GPR176: variants seen among roughly 807,000 people sequenced by gnomAD.
The protein encoded by GPR176 is G protein-coupled receptor 176.
Under a neutral mutation model 35.4 loss-of-function variants are expected in GPR176, and 26 were observed. That is an observed-to-expected ratio of 0.74 (90% CI 0.54 to 1.02). The LOEUF is 1.02. Ranked by LOEUF, GPR176 falls within the 50% of genes least tolerant of loss-of-function variation. GPR176 has a pLI of 0.00. For missense variants in GPR176, 597 were observed against 665.3 expected (o/e 0.90, Z 1.13); for synonymous variants, 278 against 271.3 (o/e 1.02, Z -0.24).
chr15:39,849,833 T>C (rs982085644), intron 1 of GPR176, among the ~76,000 whole-genome samples: 7 of 152,106 alleles, frequency 4.6e-5, no homozygotes, highest in Admixed American at 3.9e-4. Context: ...GAGAAAGGTG[T>C]CAATAGGTAA....
At chr15:39,874,018 A>G (rs1037845246) in intron 1 of GPR176, among the ~76,000 whole-genome samples, 2 of 152,340 alleles carry the variant, frequency 1.3e-5, no homozygotes, top group South Asian at 4.1e-4. Flanking sequence ...ACCTAATGAC[A>G]TGAAGAACTC....
At chr15:39,827,169 A>G (rs1395284633) in intron 1 of GPR176, among the ~76,000 whole-genome samples, 2 of 152,218 alleles carry the variant, frequency 1.3e-5, no homozygotes, top group African/African-American at 4.8e-5. Flanking sequence ...CTATAGGAGG[A>G]GCATGAATAT....
intron 1 of GPR176, among the ~76,000 whole-genome samples, chr15:39,813,004 G>A (rs2082939): frequency 0.073 from 11,093 of 152,148 alleles, 571 homozygotes; most frequent in East Asian, 0.13. Flanking sequence ...CAAAATGCTT[G>A]AATTACAGGC....
At chr15:39,811,656 C>T (rs532746222) in intron 1 of GPR176, among the ~76,000 whole-genome samples, 7 of 152,306 alleles carry the variant, frequency 4.6e-5, no homozygotes, top group Admixed American at 3.3e-4. Flanking sequence ...GTGGCTCACA[C>T]CTGTAATCCC....
chr15:39,866,906 T>C (rs1314945564), intron 1 of GPR176, among the ~76,000 whole-genome samples: 1 of 151,746 alleles, frequency 6.6e-6, no homozygotes, highest in Non-Finnish European at 1.5e-5. Context: ...GTGGAGTGAG[T>C]AGTGGTGCCC....
intron 1 of GPR176, among the ~76,000 whole-genome samples, chr15:39,831,678 ACT>A (rs1346947605): frequency 4.0e-5 from 6 of 151,744 alleles, no homozygotes; most frequent in Non-Finnish European, 7.4e-5. Context: ...CAATCTGTAA[ACT>A]CTTCTCTGCC....
At chr15:39,816,398 T>C (rs571492432) in intron 1 of GPR176, among the ~76,000 whole-genome samples, 198 of 152,284 alleles carry the variant, frequency 1.3e-3, no homozygotes, top group Non-Finnish European at 2.2e-3. Flanking sequence ...TATACCATTT[T>C]TGTCAATGAA....
intron 1 of GPR176, among the ~76,000 whole-genome samples, chr15:39,865,520 C>T (rs975639509): frequency 1.3e-5 from 2 of 151,974 alleles, no homozygotes; most frequent in Non-Finnish European, 2.9e-5. Context: ...GGAGGTAGAG[C>T]ATGGAATGAC....
At chr15:39,857,659 G>A (rs1014182489) in intron 1 of GPR176, among the ~76,000 whole-genome samples, 4 of 151,186 alleles carry the variant, frequency 2.6e-5, no homozygotes, top group East Asian at 1.9e-4. Flanking sequence ...GACAAGGCAA[G>A]ACATTGTCTC....
At chr15:39,880,825 C>T (rs1254183206) in intron 1 of GPR176, among the ~76,000 whole-genome samples, 1 of 152,184 alleles carries the variant, frequency 6.6e-6, no homozygotes, top group Non-Finnish European at 1.5e-5. Flanking sequence ...TGTTGCCATG[C>T]CCTTGCCTAA....
At chr15:39,854,095 T>C (rs1442630452) in intron 1 of GPR176, among the ~76,000 whole-genome samples, 1 of 151,166 alleles carries the variant, frequency 6.6e-6, no homozygotes, top group Non-Finnish European at 1.5e-5. Context: ...GGAGGGAGAG[T>C]CTGTAATACA....
chr15:39,902,789 T>C lies in GPR176; in HGVS notation c.172+17066A>G, dbSNP rs546364800. On this transcript the variant is annotated intron_variant, in intron 1 of 2. Transcript: ENST00000561100. ...CACAGGAAGCCCCAACAAAAAGTAGTTGTAATTAAAGGTGCAAATGAGCAC... is the reference window on the plus strand; with the variant it reads ...CACAGGAAGCCCCAACAAAAAGTAGCTGTAATTAAAGGTGCAAATGAGCAC... Among the ~76,000 whole-genome samples, 37 of 152,250 alleles carry C rather than the reference T, an allele frequency of 2.4e-4. No individual in the cohort carries two copies. In the South Asian group the frequency reaches 6.6e-3, roughly 27 times the overall value.
chr15:39,913,462 T>G (rs1017354462), intron 1 of GPR176, among the ~76,000 whole-genome samples: 2 of 151,894 alleles, frequency 1.3e-5, no homozygotes, highest in African/African-American at 2.4e-5. Context: ...GCAGAATCAC[T>G]TGAGCCCGGG....
At chr15:39,905,447 C>CAAAAAA (rs35302123) in intron 1 of GPR176, among the ~76,000 whole-genome samples, 1 of 91,116 alleles carries the variant, frequency 1.1e-5, no homozygotes, top group Non-Finnish European at 2.4e-5. Flanking sequence ...CTCGTCTCTA[C>CAAAAAA]AAAAAAAAAA....
chr15:39,910,108 T>C (rs2033536420), intron 1 of GPR176, among the ~76,000 whole-genome samples: 1 of 152,058 alleles, frequency 6.6e-6, no homozygotes, highest in Non-Finnish European at 1.5e-5. Flanking sequence ...GCTGAGAAAA[T>C]AAGAACAGAA....
At chr15:39,871,121 G>A (rs890855305) in intron 1 of GPR176, among the ~76,000 whole-genome samples, 1 of 152,114 alleles carries the variant, frequency 6.6e-6, no homozygotes, top group African/African-American at 2.4e-5. Context: ...TAATACAGTT[G>A]GCAAGCACAG....
At position 39,800,939 on chromosome 15, in the gene GPR176, A is replaced by G. The variant is rs1353693537; in HGVS notation, c.*193T>C. 1.7e-6 allele frequency: 1 copy of G among 574,592 alleles called. No individual in the cohort carries two copies. The highest frequency in any genetic ancestry group is 2.0e-5 in the South Asian group (1 of 49,514). 35.6% of individuals were successfully genotyped at this position (574,592 alleles called of 1,614,324 possible). The stretch of plus-strand genomic sequence containing the variant: ...GGACATGGATCACTGAGATGGATAC[A>G]TATACTCCCTCAATAAAGAGGACAC... On this transcript the variant is annotated 3_prime_UTR_variant, in exon 3 of 3. Transcript: ENST00000561100.
At chr15:39,918,929 T>C (rs147484444) in intron 1 of GPR176, among the ~76,000 whole-genome samples, 39 of 152,360 alleles carry the variant, frequency 2.6e-4, no homozygotes, top group African/African-American at 9.1e-4. Context: ...ACGACTGTTC[T>C]TGCCAATAAC....
chr15:39,832,654 AACACACACAC>A (rs112693906), intron 1 of GPR176, among the ~76,000 whole-genome samples: 5 of 145,234 alleles, frequency 3.4e-5, no homozygotes, highest in East Asian at 2.1e-4. Flanking sequence ...TGATGAGCTA[AACACACACAC>A]ACACACACAC....
Sources: gnomAD v4.1 joint callset for allele counts (sites outside exome capture counted in the v4.1 genomes callset) on GRCh38, gnomAD v4.1.1 for gene constraint, MANE v1.5 for transcripts, NCBI Gene and HGNC (gene_info 2026-07-23, HGNC 2026-07-21) for gene names.